The following GRIK2 variants were observed in gnomAD, a reference collection of about 807,000 sequenced individuals.
GRIK2 encodes the protein glutamate receptor ionotropic, kainate 2.
GRIK2 carries 32 observed loss-of-function variants against 100.3 expected under a neutral mutation model. The ratio of observed to expected loss-of-function variants is 0.32; its 90% CI spans 0.24 to 0.43. The LOEUF (loss-of-function observed/expected upper bound fraction) is 0.43, where lower values mean the gene tolerates loss of function less well. Among genes scored for constraint, GRIK2 ranks in the 20% least tolerant of loss-of-function variants. GRIK2 has a pLI of 1.00. For missense variants in GRIK2, 843 were observed against 1,114.9 expected (o/e 0.76, Z 3.47); for synonymous variants, 417 against 389.4 (o/e 1.07, Z -0.83).
chr6:101,636,387 A>G (rs2128322435), intron 4 of GRIK2, among the ~76,000 whole-genome samples: 1 of 152,208 alleles, frequency 6.6e-6, no homozygotes, highest in East Asian at 1.9e-4. Context: ...CATTGGGAGA[A>G]ACTCCTAAGG....
At chr6:101,752,082 A>C (rs1027432084) in intron 7 of GRIK2, among the ~76,000 whole-genome samples, 3 of 152,236 alleles carry the variant, frequency 2.0e-5, no homozygotes, top group Admixed American at 6.5e-5. Context: ...ATTTTCCTTT[A>C]TTTACCACTT....
At chr6:101,416,750 A>G (rs1776157469) in intron 2 of GRIK2, among the ~76,000 whole-genome samples, 1 of 152,192 alleles carries the variant, frequency 6.6e-6, no homozygotes, top group Admixed American at 6.5e-5. Flanking sequence ...AATTGGACAC[A>G]TTAAACATCC....
rs573890615 is a variant in GRIK2, at chr6:101,978,496, T to G, written c.2085+49864T>G. Among the ~76,000 whole-genome samples the G allele has an allele frequency of 3.3e-5, 5 of 152,090 alleles. No individual in the cohort carries two copies. The South Asian group carries it at 1.0e-3, about 32-fold the overall frequency. On this transcript the variant is annotated intron_variant, in intron 14 of 16. Transcript: ENST00000369134. ...TCTGATTGGCAGCTGTTTGGTACTA[T>G]TCATCTTACTTTTTTCTCCTTGAAC... is the stretch of plus-strand genomic sequence containing the variant.
chr6:101,778,117 A>C (rs1307426311), intron 7 of GRIK2, among the ~76,000 whole-genome samples: 1 of 152,226 alleles, frequency 6.6e-6, no homozygotes, highest in Non-Finnish European at 1.5e-5. Flanking sequence ...AGGTATTAAA[A>C]AGATAGACAT....
chr6:101,557,192 A>G (rs1485751902), intron 2 of GRIK2, among the ~76,000 whole-genome samples: 1 of 152,208 alleles, frequency 6.6e-6, no homozygotes, highest in Non-Finnish European at 1.5e-5. Flanking sequence ...ACTGTTAATT[A>G]TTCTTTCCAG....
chr6:102,058,064 A>G (rs1470170690), intron 16 of GRIK2, among the ~76,000 whole-genome samples: 1 of 151,872 alleles, frequency 6.6e-6, no homozygotes, highest in Non-Finnish European at 1.5e-5. Context: ...TACTGTCATA[A>G]TCTAAAAACA....
chr6:101,660,713 C>T (rs1202628717), intron 4 of GRIK2, among the ~76,000 whole-genome samples: 1 of 152,100 alleles, frequency 6.6e-6, no homozygotes, highest in Non-Finnish European at 1.5e-5. Flanking sequence ...TGTTAGTTTT[C>T]CTTCTAACAG....
intron 7 of GRIK2, among the ~76,000 whole-genome samples, chr6:101,722,322 A>T (rs986117759): frequency 6.6e-6 from 1 of 152,002 alleles, no homozygotes; most frequent in Non-Finnish European, 1.5e-5. Flanking sequence ...AACAACAAAA[A>T]AATTTCTGTA....
intron 2 of GRIK2, among the ~76,000 whole-genome samples, chr6:101,541,836 C>T (rs1776013899): frequency 6.6e-6 from 1 of 151,994 alleles, no homozygotes; most frequent in African/African-American, 2.4e-5. Flanking sequence ...CTTATTCCCT[C>T]TTTCCTTTTG....
chr6:101,814,079 G>T (rs77324739), intron 9 of GRIK2, among the ~76,000 whole-genome samples: 1 of 151,958 alleles, frequency 6.6e-6, no homozygotes, highest in African/African-American at 2.4e-5. Context: ...CTGAATATTC[G>T]TTTTTCAGCA....
At chr6:101,566,329 C>T (rs906098202) in intron 2 of GRIK2, among the ~76,000 whole-genome samples, 3 of 152,024 alleles carry the variant, frequency 2.0e-5, no homozygotes, top group Non-Finnish European at 2.9e-5. Flanking sequence ...CTAGATTAAA[C>T]TTCAAATGTA....
intron 2 of GRIK2, among the ~76,000 whole-genome samples, chr6:101,486,396 G>A (rs1402557402): frequency 7.4e-6 from 1 of 135,680 alleles, no homozygotes; most frequent in African/African-American, 2.6e-5. Context: ...TGGGGCGGGG[G>A]GGGGAAGCTA....
intron 14 of GRIK2, among the ~76,000 whole-genome samples, chr6:101,951,267 TC>T (rs1791588064): frequency 6.6e-6 from 1 of 152,196 alleles, no homozygotes; most frequent in African/African-American, 2.4e-5. Context: ...TTTTCTATTT[TC>T]TTTAACATGA....
intron 4 of GRIK2, among the ~76,000 whole-genome samples, chr6:101,640,306 C>T (rs139968955): frequency 2.3e-3 from 346 of 152,252 alleles, no homozygotes; most frequent in African/African-American, 7.8e-3. Flanking sequence ...CACTTCTAAA[C>T]CTCAAAAAGT....
chr6:101,750,003 C>T (rs1776687237), intron 7 of GRIK2, among the ~76,000 whole-genome samples: 1 of 151,560 alleles, frequency 6.6e-6, no homozygotes, highest in Non-Finnish European at 1.5e-5. Flanking sequence ...TTGGTAGGGA[C>T]AGGGTTTCAC....
intron 14 of GRIK2, among the ~76,000 whole-genome samples, chr6:101,966,500 C>CTAAT (rs1283985167): frequency 3.9e-5 from 6 of 152,070 alleles, no homozygotes; most frequent in African/African-American, 1.4e-4. Flanking sequence ...CCACTTTATT[C>CTAAT]TAATTAATTA....
In GRIK2 at chr6:101,618,950, C is replaced by CA. The variant is rs1460275240; in HGVS notation, c.116-2993dup. ...AAAGTCTCATTATTTTATTGTTTTC[C>CA]AAAAAAGTATTTTTAAATAAAAATA... On this transcript the variant is annotated intron_variant, in intron 2 of 16. Transcript: ENST00000369134. Among the ~76,000 whole-genome samples, 20 of 148,378 alleles carry CA rather than the reference C, an allele frequency of 1.3e-4. No homozygotes were observed. In the South Asian group the frequency reaches 2.4e-3, roughly 18 times the overall value.
chr6:101,494,000 ATG>A (rs1773288689), intron 2 of GRIK2, among the ~76,000 whole-genome samples: 1 of 135,964 alleles, frequency 7.4e-6, no homozygotes, highest in African/African-American at 2.8e-5. Flanking sequence ...AATTATAAAA[ATG>A]TATATATTAT....
At chr6:101,406,757 G>T (rs2579931) in intron 2 of GRIK2, among the ~76,000 whole-genome samples, 1 of 152,016 alleles carries the variant, frequency 6.6e-6, no homozygotes. Flanking sequence ...CAAATTTACC[G>T]CCAGACATCC....
Sources: gnomAD v4.1 joint callset for allele counts (sites outside exome capture counted in the v4.1 genomes callset) on GRCh38, gnomAD v4.1.1 for gene constraint, MANE v1.5 for transcripts, NCBI Gene and HGNC (gene_info 2026-07-23, HGNC 2026-07-21) for gene names.